Variants in GOLGA4 observed in about 807,000 individuals in gnomAD.
GOLGA4 encodes the protein golgin subfamily A member 4.
Under a neutral mutation model 265.9 loss-of-function variants are expected in GOLGA4, and 169 were observed. The ratio of observed to expected loss-of-function variants is 0.64; its 90% CI spans 0.56 to 0.72. The LOEUF (loss-of-function observed/expected upper bound fraction) is 0.72, where lower values mean the gene tolerates loss of function less well. Among genes scored for constraint, GOLGA4 ranks in the 30% least tolerant of loss-of-function variants. The pLI is 0.00. For synonymous variants in GOLGA4, 923 were observed against 855.8 expected (o/e 1.08, Z -1.37); for missense variants, 2,482 against 2,483.4 (o/e 1.00, Z 0.01).
intron 2 of GOLGA4, among the ~76,000 whole-genome samples, chr3:37,260,598 A>G (rs1578387756): frequency 6.7e-6 from 1 of 149,740 alleles, no homozygotes; most frequent in Non-Finnish European, 1.5e-5. Flanking sequence ...AGATTATGCC[A>G]CTGCACTCCA....
At position 37,344,324 on chromosome 3, in the gene GOLGA4, A is replaced by G. The variant is rs541543907; in HGVS notation, c.6473-2869A>G. On this transcript the variant is annotated intron_variant, in intron 20 of 23. Transcript: ENST00000361924. ...GCCATGTTGGCCAGGCTGGTCTCGAACTCCTGACCTCATGTGATCCACCCG... is the reference window on the plus strand; with the variant it reads ...GCCATGTTGGCCAGGCTGGTCTCGAGCTCCTGACCTCATGTGATCCACCCG... 4.6e-4 allele frequency among the ~76,000 whole-genome samples: 70 copies of G among 152,078 alleles called. 1 individual carries two copies. Among genetic ancestry groups the G allele is most frequent in the Admixed American group, 3.9e-3 (60 of 15,268 alleles).
At chr3:37,335,870 G>T (rs2097010024) in intron 17 of GOLGA4, among the ~76,000 whole-genome samples, 2 of 151,950 alleles carry the variant, frequency 1.3e-5, no homozygotes, top group Non-Finnish European at 2.9e-5. Flanking sequence ...CACACCCACA[G>T]TTGGGGAAGG....
rs75959188 is a variant in GOLGA4 at position 37,335,748 on chromosome 3, C to CTT, written c.6306+597_6306+598dup. ...AAGAGAACTGGCCTGAAGATCTAAG[C>CTT]TTTTTTTTTTTTTTTTCTTTTTAAG... is the stretch of plus-strand genomic sequence containing the variant. On this transcript the variant is annotated intron_variant, in intron 17 of 23. Transcript: ENST00000361924. Among the ~76,000 whole-genome samples the CTT allele has an allele frequency of 2.2e-3, 305 of 136,408 alleles. 1 individual carries two copies. The highest frequency in any genetic ancestry group is 7.3e-3 in the African/African-American group (273 of 37,296). 89.5% of individuals were successfully genotyped at this position (136,408 alleles called of 152,430 possible).
chr3:37,364,592 C>CTTTT (rs554906288), intron 23 of GOLGA4, among the ~76,000 whole-genome samples: 1 of 128,442 alleles, frequency 7.8e-6, no homozygotes, highest in Non-Finnish European at 1.7e-5. Flanking sequence ...TATGTCATAG[C>CTTTT]TTTTTTTTTT....
At chr3:37,356,616 TATA>T (rs2097091667) in intron 22 of GOLGA4, among the ~76,000 whole-genome samples, 1 of 152,140 alleles carries the variant, frequency 6.6e-6, no homozygotes, top group Non-Finnish European at 1.5e-5. Flanking sequence ...TGTTTTAAAT[TATA>T]ATGAACATCT....
In GOLGA4 at chr3:37,325,995, G is replaced by C. The variant is rs745324969; in HGVS notation, c.4109G>C (p.Ser1370Thr). 2.1e-5 allele frequency: 34 copies of C among 1,612,948 alleles called. No individual in the cohort carries two copies. The highest frequency in any genetic ancestry group is 2.9e-5 in the Non-Finnish European group (34 of 1,179,454). Residue 1370 changes from serine (S) to threonine (T), a missense_variant, in exon 14 of 24, where the codon AGC becomes ACC. Ser to Thr is a moderately conservative substitution (Grantham distance 58). Coordinates refer to ENST00000361924, the MANE Select transcript of GOLGA4 (RefSeq NM_002078.5). ...EELKEKKVEI[S>T]SLSKQLTDLN... ...CTTAAAGAAAAAAAAGTTGAGATTAGCAGTCTTAGTAAACAACTAACTGAT... is the reference window on the plus strand; with the variant it reads ...CTTAAAGAAAAAAAAGTTGAGATTACCAGTCTTAGTAAACAACTAACTGAT...
intron 21 of GOLGA4, among the ~76,000 whole-genome samples, chr3:37,348,081 G>A (rs577545749): frequency 5.9e-5 from 9 of 152,216 alleles, no homozygotes; most frequent in Admixed American, 4.6e-4. Flanking sequence ...TTCTATGCTC[G>A]AAAGCAATCA....
At chr3:37,282,992 TTTTG>T (rs1179165889) in intron 3 of GOLGA4, among the ~76,000 whole-genome samples, 1 of 152,234 alleles carries the variant, frequency 6.6e-6, no homozygotes, top group Non-Finnish European at 1.5e-5. Context: ...GTCCATATTT[TTTTG>T]TTTGTTTATC....
At chr3:37,249,970 CTG>C (rs2096729469) in intron 1 of GOLGA4, 1 of 152,188 alleles carries the variant, frequency 6.6e-6, no homozygotes, top group Non-Finnish European at 1.5e-5. Context: ...ATTTGTATGT[CTG>C]TTTTTTCACA....
At chr3:37,278,448 C>G (rs2150752171) in intron 2 of GOLGA4, among the ~76,000 whole-genome samples, 1 of 152,212 alleles carries the variant, frequency 6.6e-6, no homozygotes, top group Non-Finnish European at 1.5e-5. Flanking sequence ...GGTGATCCAC[C>G]CGCCTTGGCC....
At chr3:37,356,327 C>T (rs1284033163) in intron 22 of GOLGA4, among the ~76,000 whole-genome samples, 1 of 152,108 alleles carries the variant, frequency 6.6e-6, no homozygotes, top group Non-Finnish European at 1.5e-5. Flanking sequence ...ATTCTGACCA[C>T]TTCTTCTTGG....
rs139896373 is a variant in GOLGA4, at chr3:37,273,434, A to G, written c.163-8524A>G. On this transcript the variant is annotated intron_variant, in intron 2 of 23. Transcript: ENST00000361924. ...CAATTACTAATTTTGTTTAATAGAT[A>G]AATGTATCTGATAGGTCTTGGCACA... The G allele has an allele frequency of 1.1e-3, 723 of 651,878 alleles. 2 individuals carry two copies. Among genetic ancestry groups the G allele is most frequent in the Admixed American group, 2.6e-3 (97 of 36,660 alleles). 40.4% of individuals were successfully genotyped at this position (651,878 alleles called of 1,614,324 possible).
In GOLGA4 at chr3:37,282,110, T is replaced by C; in HGVS notation, c.315T>C (p.Leu105=). Residue 105 remains leucine, a synonymous_variant, in exon 3 of 24, where the codon CTT becomes CTC. Coordinates refer to ENST00000361924, the MANE Select transcript of GOLGA4 (RefSeq NM_002078.5). The stretch of plus-strand genomic sequence containing the variant: ...CTTCCAGAGAATCCCTGAATCGACT[T>C]GACCTGGACAGTTCTACTGCCAGTT... ...RTSSRESLNR[L]DLDSSTASFD... 6.2e-7 allele frequency: 1 copy of C among 1,614,220 alleles called. No individual in the cohort carries two copies. The highest frequency in any genetic ancestry group is 8.5e-7 in the Non-Finnish European group (1 of 1,180,026).
intron 2 of GOLGA4, among the ~76,000 whole-genome samples, chr3:37,273,910 T>A (rs1323422730): frequency 6.6e-6 from 1 of 151,934 alleles, no homozygotes; most frequent in Non-Finnish European, 1.5e-5. Context: ...GAGACTAGCT[T>A]GGCCAACATG....
intron 11 of GOLGA4, among the ~76,000 whole-genome samples, chr3:37,316,240 C>A (rs1346890718): frequency 6.7e-5 from 10 of 149,168 alleles, no homozygotes; most frequent in Non-Finnish European, 1.3e-4. Context: ...GTCATGTTTG[C>A]CTTTCTTGCC....
At chr3:37,258,540 C>T (rs530267180) in intron 2 of GOLGA4, among the ~76,000 whole-genome samples, 1 of 152,238 alleles carries the variant, frequency 6.6e-6, no homozygotes, top group South Asian at 2.1e-4. Flanking sequence ...GTTGGCCACG[C>T]TGGCCTGGAA....
rs113393249 is a variant in GOLGA4 at position 37,268,206 on chromosome 3, C to T, written c.163-13752C>T. 4.0e-3 allele frequency among the ~76,000 whole-genome samples: 616 copies of T among 152,160 alleles called. 4 individuals are homozygous for T. Among genetic ancestry groups the T allele is most frequent in the Middle Eastern group, 0.01 (3 of 294 alleles). The stretch of plus-strand genomic sequence containing the variant: ...AAGCAGTCCTTCTTCCTCAGCCTCC[C>T]AAGTATGTGGGACCACAGACATATG... On this transcript the variant is annotated intron_variant, in intron 2 of 23. Coordinates refer to ENST00000361924, the MANE Select transcript of GOLGA4 (RefSeq NM_002078.5).
intron 2 of GOLGA4, among the ~76,000 whole-genome samples, chr3:37,270,508 A>C (rs954421432): frequency 2.0e-5 from 3 of 152,144 alleles, no homozygotes; most frequent in Admixed American, 6.5e-5. Context: ...ATGAGCCACA[A>C]CACCAGCCCA....
intron 2 of GOLGA4, chr3:37,276,362 A>T: frequency 6.2e-7 from 1 of 1,607,280 alleles, no homozygotes; most frequent in Non-Finnish European, 8.5e-7. Flanking sequence ...TGCTAGAATG[A>T]CAGCAGAGGA....
Sources: gnomAD v4.1 joint callset for allele counts (sites outside exome capture counted in the v4.1 genomes callset) on GRCh38, gnomAD v4.1.1 for gene constraint, MANE v1.5 for transcripts, NCBI Gene and HGNC (gene_info 2026-07-23, HGNC 2026-07-21) for gene names.